SPATA17: variants seen among roughly 807,000 people sequenced by gnomAD.
SPATA17 encodes spermatogenesis associated 17.
Under a neutral mutation model 62.2 loss-of-function variants are expected in SPATA17, and 53 were observed. The ratio of observed to expected loss-of-function variants is 0.85; its 90% CI spans 0.68 to 1.07. The LOEUF (loss-of-function observed/expected upper bound fraction) is 1.07, where lower values mean the gene tolerates loss of function less well. SPATA17 is among the 50% of genes least tolerant of loss of function. The probability of loss-of-function intolerance (pLI) is 0.00; values close to 1 mark genes in which losing one functional copy is unlikely to be tolerated. For missense variants in SPATA17, 466 were observed against 425.5 expected (o/e 1.10, Z -0.84); for synonymous variants, 146 against 146.8 (o/e 0.99, Z 0.04).
At chr1:217,670,274 C>T (rs1670802946) in intron 4 of SPATA17, among the ~76,000 whole-genome samples, 2 of 152,108 alleles carry the variant, frequency 1.3e-5, no homozygotes, top group South Asian at 2.1e-4. Flanking sequence ...GAACCTAAAG[C>T]AGTTAATGCC....
At chr1:217,813,521 G>A (rs1674644321) in intron 9 of SPATA17, among the ~76,000 whole-genome samples, 1 of 152,090 alleles carries the variant, frequency 6.6e-6, no homozygotes, top group Non-Finnish European at 1.5e-5. Context: ...CTGAAAAACA[G>A]CCCCTTACAG....
intron 5 of SPATA17, among the ~76,000 whole-genome samples, chr1:217,728,853 G>A (rs1672331611): frequency 6.6e-6 from 1 of 152,156 alleles, no homozygotes; most frequent in South Asian, 2.1e-4. Flanking sequence ...AAGAAAAGGT[G>A]CAGTTCCATT....
At chr1:217,667,372 C>G (rs1174598764) in intron 3 of SPATA17, among the ~76,000 whole-genome samples, 1 of 152,038 alleles carries the variant, frequency 6.6e-6, no homozygotes, top group Non-Finnish European at 1.5e-5. Flanking sequence ...AGTTAAATTA[C>G]ATACTTTTAA....
intron 9 of SPATA17, among the ~76,000 whole-genome samples, chr1:217,826,829 A>C (rs1173115879): frequency 6.6e-6 from 1 of 152,128 alleles, no homozygotes; most frequent in Non-Finnish European, 1.5e-5. Context: ...CATAATTTTA[A>C]GCAAGTTATT....
chr1:217,781,640 A>G (rs1352344705), intron 7 of SPATA17, among the ~76,000 whole-genome samples: 47 of 152,214 alleles, frequency 3.1e-4, no homozygotes, highest in Non-Finnish European at 5.9e-5. Flanking sequence ...AATAACATTT[A>G]AAATAAATAA....
At chr1:217,800,136 T>A (rs1674271042) in intron 8 of SPATA17, among the ~76,000 whole-genome samples, 1 of 152,162 alleles carries the variant, frequency 6.6e-6, no homozygotes, top group Non-Finnish European at 1.5e-5. Context: ...CGTTGATTAT[T>A]TTCCCACTGG....
intron 6 of SPATA17, among the ~76,000 whole-genome samples, chr1:217,758,839 C>A (rs1673107767): frequency 6.6e-6 from 1 of 152,016 alleles, no homozygotes; most frequent in Non-Finnish European, 1.5e-5. Context: ...ACTAACAGAC[C>A]AGAAAGTTGT....
Position 217,782,174 on chromosome 1 carries a change from G to A in SPATA17, c.724G>A (p.Gly242Arg). 6.3e-7 allele frequency: 1 copy of A among 1,585,248 alleles called. No homozygotes were observed. The highest frequency in any genetic ancestry group is 8.6e-7 in the Non-Finnish European group (1 of 1,168,242). ...TATGTTCCTCATCCTGTCTTGTCAG[G>A]GGCCCTTCCGAGATATCACCGAAGT... ...LPPINRKQCQ[G>R]PFRDITEVLE... Residue 242 changes from glycine to arginine, a missense_variant and splice_region_variant, in exon 8 of 11, where the codon GGG (glycine) becomes AGG (arginine). Physicochemically the swap from Gly to Arg is moderately radical, Grantham distance 125. Coordinates refer to ENST00000366933, the MANE Select transcript of SPATA17 (RefSeq NM_138796.4).
chr1:217,670,672 C>G (rs996213647), intron 4 of SPATA17, among the ~76,000 whole-genome samples: 2 of 152,120 alleles, frequency 1.3e-5, no homozygotes, highest in African/African-American at 4.8e-5. Flanking sequence ...CACACCTGGC[C>G]GGGTATGGTG....
At chr1:217,656,124 T>A (rs1309821212) in intron 3 of SPATA17, among the ~76,000 whole-genome samples, 2 of 152,022 alleles carry the variant, frequency 1.3e-5, no homozygotes, top group African/African-American at 2.4e-5. Flanking sequence ...CCTCAGATGA[T>A]CCACCCGCCT....
intron 8 of SPATA17, among the ~76,000 whole-genome samples, chr1:217,793,176 T>C (rs1674042077): frequency 6.6e-6 from 1 of 151,550 alleles, no homozygotes. Flanking sequence ...AGAGAGAAGA[T>C]TACAGATTTC....
At chr1:217,636,759 G>C (rs1379228325) in intron 1 of SPATA17, among the ~76,000 whole-genome samples, 1 of 152,056 alleles carries the variant, frequency 6.6e-6, no homozygotes, top group Non-Finnish European at 1.5e-5. Flanking sequence ...AAAGCATTTT[G>C]CTTTTATTTT....
At chr1:217,674,643 G>A (rs1005861521) in intron 4 of SPATA17, among the ~76,000 whole-genome samples, 6 of 152,196 alleles carry the variant, frequency 3.9e-5, no homozygotes, top group South Asian at 2.1e-4. Context: ...CCACAGCCCC[G>A]AAGCCCCAGA....
chr1:217,753,530 T>C (rs1468634403), intron 6 of SPATA17, among the ~76,000 whole-genome samples: 20 of 152,074 alleles, frequency 1.3e-4, no homozygotes, highest in Non-Finnish European at 2.8e-4. Flanking sequence ...TTTAGTAGAT[T>C]CGGTGCCTTT....
At chr1:217,841,490 T>C (rs1675402150) in intron 9 of SPATA17, among the ~76,000 whole-genome samples, 1 of 152,068 alleles carries the variant, frequency 6.6e-6, no homozygotes, top group African/African-American at 2.4e-5. Flanking sequence ...AATACAGTTT[T>C]TGGGCACAAT....
At chr1:217,759,453 T>C (rs1673121551) in intron 6 of SPATA17, among the ~76,000 whole-genome samples, 1 of 151,370 alleles carries the variant, frequency 6.6e-6, no homozygotes, top group African/African-American at 2.4e-5. Flanking sequence ...AGTAAGACTA[T>C]GCCTTAAAAA....
At chr1:217,833,216 G>T (rs914666193) in intron 9 of SPATA17, among the ~76,000 whole-genome samples, 31 of 151,986 alleles carry the variant, frequency 2.0e-4, no homozygotes, top group African/African-American at 7.5e-4. Context: ...AAAGTATATC[G>T]GCTATACATG....
intron 9 of SPATA17, among the ~76,000 whole-genome samples, chr1:217,825,136 A>G (rs1485430282): frequency 6.6e-6 from 1 of 151,610 alleles, no homozygotes; most frequent in Non-Finnish European, 1.5e-5. Flanking sequence ...ATTATTTAGG[A>G]ATAAAAACAT....
rs1204338473 is a variant in SPATA17 at position 217,871,639 on chromosome 1, G to A, written c.*4620G>A. The A allele has an allele frequency of 6.6e-6, 1 of 152,054 alleles. No individual in the cohort carries two copies. The highest frequency in any genetic ancestry group is 1.5e-5 in the Non-Finnish European group (1 of 68,016). 9.4% of individuals were successfully genotyped at this position (152,054 alleles called of 1,614,324 possible). ...AATTGAGTGAATGACTGAACAAATC[G>A]CTGGGTAATGCTGTTTAGGTTGTTC... On this transcript the variant is annotated 3_prime_UTR_variant, in exon 11 of 11. Coordinates refer to ENST00000366933, the MANE Select transcript of SPATA17 (RefSeq NM_138796.4).
Sources: gnomAD v4.1 joint callset for allele counts (sites outside exome capture counted in the v4.1 genomes callset) on GRCh38, gnomAD v4.1.1 for gene constraint, MANE v1.5 for transcripts, NCBI Gene and HGNC (gene_info 2026-07-23, HGNC 2026-07-21) for gene names.